The following PLCL1 variants were observed in gnomAD, a reference collection of about 807,000 sequenced individuals.
PLCL1 encodes the protein inactive phospholipase C-like protein 1.
PLCL1 carries 41 observed loss-of-function variants against 84.4 expected under a neutral mutation model. The ratio of observed to expected loss-of-function variants is 0.49; its 90% CI spans 0.38 to 0.63. The LOEUF (loss-of-function observed/expected upper bound fraction) is 0.63. Among genes scored for constraint, PLCL1 ranks in the 30% least tolerant of loss-of-function variants. The pLI is 0.00. For synonymous variants in PLCL1, 490 were observed against 488.3 expected (o/e 1.00, Z -0.05); for missense variants, 1,206 against 1,367.8 (o/e 0.88, Z 1.87).
At chr2:198,112,758 A>C (rs1243429386) in intron 5 of PLCL1, among the ~76,000 whole-genome samples, 1 of 151,868 alleles carries the variant, frequency 6.6e-6, no homozygotes, top group Non-Finnish European at 1.5e-5. Flanking sequence ...CATTTGGTGA[A>C]CGCAACTGGG....
intron 1 of PLCL1, among the ~76,000 whole-genome samples, chr2:197,943,609 C>G (rs1324312561): frequency 7.1e-6 from 1 of 141,380 alleles, no homozygotes; most frequent in Non-Finnish European, 1.5e-5. Flanking sequence ...TTGATTATGT[C>G]TAAATTTTTG....
In PLCL1 at chr2:198,084,554, C is replaced by T. The variant is rs373797233; in HGVS notation, c.1037C>T (p.Thr346Ile). The T allele has an allele frequency of 6.8e-6, 11 of 1,613,496 alleles. No individual in the cohort carries two copies. In the Admixed American group the frequency reaches 1.2e-4, roughly 17 times the overall value. ...TTTTTAGAAGCTGAGCAAGGAGTCACCCATATCACCGAGGATATATGCTTA... is the reference window on the plus strand; with the variant it reads ...TTTTTAGAAGCTGAGCAAGGAGTCATCCATATCACCGAGGATATATGCTTA... Reference protein sequence around the residue: ...MLFLEAEQGVTHITEDICLDI... With the variant: ...MLFLEAEQGVIHITEDICLDI... The change falls in exon 2 of 6, where the codon ACC becomes ATC. Residue 346 changes from threonine (T) to isoleucine (I), a missense_variant. Thr to Ile is a moderately conservative substitution (Grantham distance 89, BLOSUM62 -1). Transcript: ENST00000428675.
intron 1 of PLCL1, among the ~76,000 whole-genome samples, chr2:197,939,410 T>C (rs1248363355): frequency 2.0e-5 from 3 of 152,212 alleles, no homozygotes; most frequent in Non-Finnish European, 4.4e-5. Flanking sequence ...CATAACAAAG[T>C]ACCACAGTCT....
At chr2:198,003,378 A>T (rs561172738) in intron 1 of PLCL1, among the ~76,000 whole-genome samples, 1 of 152,300 alleles carries the variant, frequency 6.6e-6, no homozygotes, top group Non-Finnish European at 1.5e-5. Flanking sequence ...TTCTGCACTT[A>T]TGAGCATATT....
chr2:197,823,906 T>G (rs550412600), intron 1 of PLCL1, among the ~76,000 whole-genome samples: 1 of 152,266 alleles, frequency 6.6e-6, no homozygotes, highest in South Asian at 2.1e-4. Context: ...AAAAGCACAA[T>G]TTTTACGAAA....
At chr2:198,059,360 T>C (rs1692140580) in intron 1 of PLCL1, among the ~76,000 whole-genome samples, 1 of 152,186 alleles carries the variant, frequency 6.6e-6, no homozygotes. Flanking sequence ...ATATGAAGAA[T>C]CAGGATGTTA....
intron 5 of PLCL1, among the ~76,000 whole-genome samples, chr2:198,134,605 C>T (rs576074578): frequency 2.0e-4 from 30 of 152,224 alleles, no homozygotes; most frequent in Admixed American, 2.6e-4. Flanking sequence ...GATTCACTCT[C>T]AAAGAGGACA....
intron 5 of PLCL1, among the ~76,000 whole-genome samples, chr2:198,130,979 ACTTCT>A (rs564599009): frequency 2.6e-5 from 4 of 151,750 alleles, no homozygotes; most frequent in Admixed American, 2.6e-4. Flanking sequence ...CTCCTTCTTA[ACTTCT>A]CTTCTGAAAC....
At chr2:198,139,625 A>G (rs936381786) in intron 5 of PLCL1, among the ~76,000 whole-genome samples, 9 of 152,204 alleles carry the variant, frequency 5.9e-5, no homozygotes, top group Non-Finnish European at 8.8e-5. Flanking sequence ...TGAATAGGTT[A>G]TATTATCTAT....
In PLCL1 at chr2:198,085,356, T is replaced by C; in HGVS notation, c.1839T>C (p.Cys613=). ...AAAGCCAAAACTATTGGGAAATGTG[T>C]TCATTTAGTGAAACAGAGGCCAGCC... ...SMKSQNYWEM[C]SFSETEASRI... The change falls in exon 2 of 6, where the codon TGT becomes TGC. Residue 613 remains cysteine (C), a synonymous_variant. Coordinates refer to ENST00000428675, the MANE Select transcript of PLCL1 (RefSeq NM_006226.4). The surrounding 1 kb of genome is among the most constrained non-coding windows in gnomAD (Gnocchi z 5.3). The C allele has an allele frequency of 6.2e-7, 1 of 1,612,572 alleles. No homozygotes were observed. Among genetic ancestry groups the C allele is most frequent in the South Asian group, 1.1e-5 (1 of 90,930 alleles).
chr2:198,080,143 G>A (rs1044659457), intron 1 of PLCL1, among the ~76,000 whole-genome samples: 2 of 152,180 alleles, frequency 1.3e-5, no homozygotes, highest in Admixed American at 1.3e-4. Context: ...GCTACACATT[G>A]GCTGGAGCAC....
intron 1 of PLCL1, among the ~76,000 whole-genome samples, chr2:197,984,078 T>C (rs1690171914): frequency 1.3e-5 from 2 of 152,338 alleles, no homozygotes; most frequent in Admixed American, 6.5e-5. Flanking sequence ...TAATTTTTGC[T>C]TTGTTGAAAA....
At chr2:197,863,365 C>T (rs781343172) in intron 1 of PLCL1, among the ~76,000 whole-genome samples, 3 of 152,036 alleles carry the variant, frequency 2.0e-5, no homozygotes, top group Admixed American at 6.6e-5. Context: ...GTTATATTTG[C>T]ATCCATCAGT....
chr2:197,858,424 C>T (rs1687368593), intron 1 of PLCL1, among the ~76,000 whole-genome samples: 1 of 152,102 alleles, frequency 6.6e-6, no homozygotes. Context: ...CCTGTGGTCT[C>T]CATTCTGATT....
At chr2:198,071,009 T>G (rs1321480948) in intron 1 of PLCL1, 1 of 910,678 alleles carries the variant, frequency 1.1e-6, no homozygotes, top group Non-Finnish European at 1.3e-6. Context: ...TTGGAATATA[T>G]TCTTCCAGAC....
chr2:197,911,730 T>A (rs1423287053), intron 1 of PLCL1, among the ~76,000 whole-genome samples: 1 of 152,152 alleles, frequency 6.6e-6, no homozygotes, highest in Non-Finnish European at 1.5e-5. Flanking sequence ...TTTTAGCATA[T>A]AATATTCACT....
chr2:197,845,421 G>T (rs1434438661), intron 1 of PLCL1, among the ~76,000 whole-genome samples: 1 of 152,092 alleles, frequency 6.6e-6, no homozygotes, highest in East Asian at 1.9e-4. Flanking sequence ...AATTGGCATA[G>T]AAATGTTGGC....
intron 5 of PLCL1, among the ~76,000 whole-genome samples, chr2:198,105,460 G>A (rs1010417160): frequency 2.0e-5 from 3 of 151,968 alleles, no homozygotes; most frequent in African/African-American, 4.8e-5. Flanking sequence ...GATGGCTTCA[G>A]GAATGTGTGG....
chr2:197,978,336 G>A (rs1305290824), intron 1 of PLCL1, among the ~76,000 whole-genome samples: 1 of 152,150 alleles, frequency 6.6e-6, no homozygotes, highest in African/African-American at 2.4e-5. Context: ...GATTGGCCGG[G>A]CGTGGTGGTG....
Sources: allele counts gnomAD v4.1 joint callset (sites outside exome capture counted in the v4.1 genomes callset), GRCh38; gene constraint gnomAD v4.1.1; non-coding constraint Gnocchi (gnomAD v3.1); transcripts MANE v1.5; gene names NCBI Gene and HGNC (gene_info 2026-07-23, HGNC 2026-07-21).